B3GALNT1: variants seen among roughly 807,000 people sequenced by gnomAD.
The protein encoded by B3GALNT1 is UDP-GalNAc:beta-1,3-N-acetylgalactosaminyltransferase 1.
A neutral mutation model predicts 27.3 loss-of-function variants in B3GALNT1; 17 were observed. The observed-to-expected ratio is 0.62, with a 90% confidence interval of 0.43 to 0.94. The LOEUF is 0.94. Ranked by LOEUF, B3GALNT1 falls within the 40% of genes least tolerant of loss-of-function variation. The pLI is 0.00. For synonymous variants in B3GALNT1, 141 were observed against 144.0 expected, an observed-to-expected ratio of 0.98 and a Z score of 0.15; for missense variants, 347 against 390.0, an observed-to-expected ratio of 0.89 and a Z score of 0.93.
At chr3:161,102,053 G>A (rs999803638) in intron 3 of B3GALNT1, among the ~76,000 whole-genome samples, 1 of 152,080 alleles carries the variant, frequency 6.6e-6, no homozygotes, top group African/African-American at 2.4e-5. Flanking sequence ...TCCCAGAAGC[G>A]GGCAAACTTT....
At chr3:161,099,298 C>A (rs1729906243) in intron 4 of B3GALNT1, among the ~76,000 whole-genome samples, 1 of 152,092 alleles carries the variant, frequency 6.6e-6, no homozygotes, top group Non-Finnish European at 1.5e-5. Context: ...AAAAAAATGA[C>A]AAATTCATTA....
chr3:161,085,600 A>C lies in B3GALNT1; in HGVS notation c.*159T>G, dbSNP rs1420595244. 4 of 716,034 alleles carry C rather than the reference A, an allele frequency of 5.6e-6. No individual in the cohort carries two copies. The highest frequency in any genetic ancestry group is 5.3e-5 in the African/African-American group (3 of 56,284). 44.4% of individuals were successfully genotyped at this position (716,034 alleles called of 1,614,324 possible). ...CTTTGAAGGGCCTGACTAATAAATC[A>C]CAAGTGTAACCCTCCAGTCTCCAGT... On this transcript the variant is annotated 3_prime_UTR_variant, in exon 5 of 5. Coordinates refer to ENST00000320474, the MANE Select transcript of B3GALNT1 (RefSeq NM_003781.4).
intron 1 of B3GALNT1, 171 bp from the exon 2 acceptor site, chr3:161,104,577 T>C (rs1359780472): frequency 2.8e-6 from 1 of 354,044 alleles, no homozygotes; most frequent in African/African-American, 2.2e-5. Flanking sequence ...TAGGAATCTT[T>C]TTAAAACGCC....
chr3:161,086,927 C>T (rs2108200951), intron 4 of B3GALNT1, 139 bp from the exon 5 acceptor site: 2 of 868,500 alleles, frequency 2.3e-6, no homozygotes, highest in East Asian at 2.7e-5. Flanking sequence ...CTTGAATCTA[C>T]TTCATTTAAC....
intron 4 of B3GALNT1, among the ~76,000 whole-genome samples, chr3:161,098,605 C>T (rs983790346): frequency 6.6e-5 from 10 of 152,138 alleles, no homozygotes; most frequent in African/African-American, 1.9e-4. Flanking sequence ...GCCAGCTATT[C>T]GAGTGGCTAA....
chr3:161,100,929 A>G (rs991035974), intron 4 of B3GALNT1, among the ~76,000 whole-genome samples: 1 of 152,148 alleles, frequency 6.6e-6, no homozygotes, highest in African/African-American at 2.4e-5. Flanking sequence ...GACACTGTAA[A>G]ATCTGTGTTA....
chr3:161,102,838 G>C (rs1487816526), intron 3 of B3GALNT1, among the ~76,000 whole-genome samples: 1 of 152,106 alleles, frequency 6.6e-6, no homozygotes, highest in Non-Finnish European at 1.5e-5. Context: ...TCCCAAAAGA[G>C]GGTTCTACCT....
At chr3:161,101,594 C>T (rs906787524) in intron 3 of B3GALNT1, among the ~76,000 whole-genome samples, 3 of 152,060 alleles carry the variant, frequency 2.0e-5, no homozygotes, top group Admixed American at 6.6e-5. Flanking sequence ...AGACTCACAA[C>T]GACACATTTC....
chr3:161,093,690 T>C (rs1281281891), intron 4 of B3GALNT1, among the ~76,000 whole-genome samples: 1 of 152,188 alleles, frequency 6.6e-6, no homozygotes, highest in Non-Finnish European at 1.5e-5. Flanking sequence ...TTAAAAATAA[T>C]TTCCATTTTC....
intron 4 of B3GALNT1, among the ~76,000 whole-genome samples, chr3:161,091,255 C>T (rs933765290): frequency 4.0e-5 from 6 of 151,704 alleles, no homozygotes; most frequent in East Asian, 1.9e-4. Context: ...GGTGACAAAG[C>T]GTGACCGTTT....
At chr3:161,103,626 A>C in intron 2 of B3GALNT1, 109 bp from the exon 3 acceptor site, 1 of 278,584 alleles carries the variant, frequency 3.6e-6, no homozygotes, top group Non-Finnish European at 6.7e-6. Flanking sequence ...CATTTATTAC[A>C]TATCAACACT....
At position 161,101,195 on chromosome 3, in the gene B3GALNT1, A is replaced by G; in HGVS notation, c.-91T>C. ...CCACGTGATAGAGCAGCCAGCGGGA[A>G]GAGCCAACAGGTCAACCGGGTCCAG... On this transcript the variant is annotated 5_prime_UTR_variant, in exon 4 of 5. Coordinates refer to ENST00000320474, the MANE Select transcript of B3GALNT1 (RefSeq NM_003781.4). 5 of 1,289,936 alleles carry G rather than the reference A, an allele frequency of 3.9e-6. No homozygotes were observed. Among genetic ancestry groups the G allele is most frequent in the Non-Finnish European group, 5.1e-6 (5 of 988,886 alleles). The allele number at this position is 1,289,936 out of a possible 1,614,324, so 79.9% of individuals were successfully genotyped here.
chr3:161,101,965 CAGG>C (rs1431738826), intron 3 of B3GALNT1, among the ~76,000 whole-genome samples: 1 of 152,130 alleles, frequency 6.6e-6, no homozygotes, highest in Non-Finnish European at 1.5e-5. Context: ...AATGTTTTAA[CAGG>C]AGGACTTGTG....
chr3:161,094,352 T>C (rs1400613280), intron 4 of B3GALNT1, among the ~76,000 whole-genome samples: 2 of 152,160 alleles, frequency 1.3e-5, no homozygotes, highest in Admixed American at 6.5e-5. Context: ...CAGTAACTAA[T>C]TGTTCATGCA....
intron 4 of B3GALNT1, among the ~76,000 whole-genome samples, chr3:161,088,258 C>A (rs1485628337): frequency 6.6e-6 from 1 of 152,214 alleles, no homozygotes; most frequent in African/African-American, 2.4e-5. Context: ...ATTATCTTTT[C>A]TATATGTAAT....
At position 161,085,561 on chromosome 3, in the gene B3GALNT1, C is replaced by T. The variant is rs1721237123; in HGVS notation, c.*198G>A. On this transcript the variant is annotated 3_prime_UTR_variant, in exon 5 of 5. Transcript: ENST00000320474. The stretch of plus-strand genomic sequence containing the variant: ...ACCTCCAATTCCTTTATATTTAATT[C>T]CTCCACATATCATCTTTGAAGGGCC... 8.5e-6 allele frequency: 5 copies of T among 588,280 alleles called. No individual in the cohort carries two copies. The Admixed American group carries it at 1.5e-4, about 18-fold the overall frequency. The allele number at this position is 588,280 out of a possible 1,614,324, so 36.4% of individuals were successfully genotyped here. A position where few individuals can be genotyped will look rare whatever the true frequency, so the allele number is the denominator to read the frequency against.
chr3:161,102,428 T>C (rs190996690), intron 3 of B3GALNT1, among the ~76,000 whole-genome samples: 1 of 152,290 alleles, frequency 6.6e-6, no homozygotes, highest in Admixed American at 6.5e-5. Context: ...TGTGGCTTCA[T>C]CTTCCTTCCC....
chr3:161,094,053 C>A (rs1230289757), intron 4 of B3GALNT1, among the ~76,000 whole-genome samples: 1 of 152,090 alleles, frequency 6.6e-6, no homozygotes, highest in Non-Finnish European at 1.5e-5. Context: ...AGAAAACCTC[C>A]AAAGATAAAA....
At chr3:161,093,926 A>AG in intron 4 of B3GALNT1, among the ~76,000 whole-genome samples, 1 of 152,326 alleles carries the variant, frequency 6.6e-6, no homozygotes, top group East Asian at 1.9e-4. Flanking sequence ...ACAGTATCTT[A>AG]TCTATCCCAC....
Sources: allele counts gnomAD v4.1 joint callset (sites outside exome capture counted in the v4.1 genomes callset), GRCh38; gene constraint gnomAD v4.1.1; transcripts MANE v1.5; gene names NCBI Gene and HGNC (gene_info 2026-07-23, HGNC 2026-07-21).